The following LHFPL3 variants were observed in gnomAD, a reference collection of about 807,000 sequenced individuals.
LHFPL3 encodes LHFPL tetraspan subfamily member 3 protein.
LHFPL3 carries 5 observed loss-of-function variants against 19.3 expected under a neutral mutation model. The ratio of observed to expected loss-of-function variants is 0.26; its 90% confidence interval spans 0.14 to 0.54. LHFPL3 has a LOEUF of 0.54. LHFPL3 is among the 20% of genes least tolerant of loss of function. LHFPL3 has a pLI of 0.94. For missense variants in LHFPL3, 249 were observed against 307.4 expected (o/e 0.81, Z 1.42); for synonymous variants, 133 against 126.2 (o/e 1.05, Z -0.36).
chr7:104,567,300 C>G (rs1030780934), intron 1 of LHFPL3, among the ~76,000 whole-genome samples: 2 of 152,158 alleles, frequency 1.3e-5, no homozygotes, highest in African/African-American at 2.4e-5. Context: ...ATCATAGAGC[C>G]ATTTTAGGCC....
intron 1 of LHFPL3, among the ~76,000 whole-genome samples, chr7:104,378,667 A>G: frequency 6.6e-6 from 1 of 152,074 alleles, no homozygotes; most frequent in Non-Finnish European, 1.5e-5. Flanking sequence ...CACATTTGGT[A>G]TTGTTTTTCC....
At chr7:104,454,146 G>C (rs1792497093) in intron 1 of LHFPL3, among the ~76,000 whole-genome samples, 1 of 152,234 alleles carries the variant, frequency 6.6e-6, no homozygotes, top group African/African-American at 2.4e-5. Flanking sequence ...CAAAGAGGGA[G>C]ATGGAGATTG....
At chr7:104,351,455 T>A (rs989581305) in intron 1 of LHFPL3, among the ~76,000 whole-genome samples, 5 of 152,214 alleles carry the variant, frequency 3.3e-5, no homozygotes, top group African/African-American at 1.2e-4. Context: ...AGGATCATAT[T>A]GTTTGAAAAG....
At chr7:104,391,454 T>A (rs1413545919) in intron 1 of LHFPL3, among the ~76,000 whole-genome samples, 1 of 152,188 alleles carries the variant, frequency 6.6e-6, no homozygotes, top group African/African-American at 2.4e-5. Context: ...CCTTTCCCCA[T>A]TGCTTGTTTT....
chr7:104,730,901 C>A (rs1346294083), intron 1 of LHFPL3, among the ~76,000 whole-genome samples: 2 of 152,116 alleles, frequency 1.3e-5, no homozygotes, highest in African/African-American at 4.8e-5. Context: ...AGTCTTTAAT[C>A]CATCTTGAAT....
intron 1 of LHFPL3, 25 bp downstream of exon 1, chr7:104,329,249 A>T (rs771575684): frequency 1.3e-6 from 2 of 1,571,754 alleles, no homozygotes; most frequent in Admixed American, 3.6e-5. Context: ...ACCTCCGCGG[A>T]GGCGGAGGAC....
At chr7:104,864,560 G>A (rs1365945185) in intron 2 of LHFPL3, among the ~76,000 whole-genome samples, 1 of 152,240 alleles carries the variant, frequency 6.6e-6, no homozygotes, top group Non-Finnish European at 1.5e-5. Flanking sequence ...GCAGCAGTGA[G>A]GCTGGGGGAG....
At chr7:104,701,589 A>C (rs547703602) in intron 1 of LHFPL3, among the ~76,000 whole-genome samples, 1 of 152,340 alleles carries the variant, frequency 6.6e-6, no homozygotes, top group East Asian at 1.9e-4. Context: ...TGAAGAGGAC[A>C]AGGAAAAGGA....
chr7:104,429,229 A>G (rs1791903108), intron 1 of LHFPL3, among the ~76,000 whole-genome samples: 1 of 152,002 alleles, frequency 6.6e-6, no homozygotes. Context: ...AAAAAATACC[A>G]GAGCGTAGCA....
At chr7:104,748,038 A>G (rs1794083849) in intron 2 of LHFPL3, among the ~76,000 whole-genome samples, 3 of 151,862 alleles carry the variant, frequency 2.0e-5, no homozygotes, top group Admixed American at 2.0e-4. Flanking sequence ...AGATTCTGTT[A>G]ATCTATGACC....
rs367587191 is a variant in LHFPL3 at position 104,798,391 on chromosome 7, T to C, written c.682+61480T>C. 5 of 152,190 alleles carry C rather than the reference T, an allele frequency of 3.3e-5. No homozygotes were observed. In the East Asian group the frequency reaches 5.8e-4, roughly 18 times the overall value. 9.4% of individuals were successfully genotyped at this position (152,190 alleles called of 1,614,324 possible). On this transcript the variant is annotated intron_variant, in intron 2 of 2. Coordinates refer to ENST00000424859, the MANE Select transcript of LHFPL3 (RefSeq NM_199000.3). ...ATGATTATTTAGGATTAGAAATTCA[T>C]CTGTGGAAAAAATAACCTAAAAAGT... is the stretch of plus-strand genomic sequence containing the variant.
At chr7:104,668,005 A>T (rs1378146428) in intron 1 of LHFPL3, 3 of 1,613,502 alleles carry the variant, frequency 1.9e-6, no homozygotes, top group African/African-American at 1.3e-5. Context: ...CCCAATATCG[A>T]CCGGAGCCGT....
At chr7:104,651,650 G>A (rs1792036048) in intron 1 of LHFPL3, among the ~76,000 whole-genome samples, 1 of 152,200 alleles carries the variant, frequency 6.6e-6, no homozygotes, top group Non-Finnish European at 1.5e-5. Flanking sequence ...GAAGTGACTT[G>A]AGCCAGGTAT....
intron 1 of LHFPL3, among the ~76,000 whole-genome samples, chr7:104,600,677 G>A (rs999176853): frequency 6.6e-6 from 1 of 152,194 alleles, no homozygotes; most frequent in East Asian, 1.9e-4. Flanking sequence ...AGTCACTGAG[G>A]TCGTGGCAAA....
chr7:104,796,025 T>C (rs1407071876), intron 2 of LHFPL3, among the ~76,000 whole-genome samples: 1 of 152,190 alleles, frequency 6.6e-6, no homozygotes, highest in Non-Finnish European at 1.5e-5. Context: ...TGCCTTTTGC[T>C]GTAACAAGTG....
At chr7:104,589,896 G>A (rs1362290364) in intron 1 of LHFPL3, among the ~76,000 whole-genome samples, 1 of 152,206 alleles carries the variant, frequency 6.6e-6, no homozygotes, top group Non-Finnish European at 1.5e-5. Context: ...TAGGTTATTT[G>A]TGTAGAGGTG....
intron 1 of LHFPL3, among the ~76,000 whole-genome samples, chr7:104,523,664 A>G (rs755045658): frequency 4.6e-5 from 7 of 152,210 alleles, no homozygotes; most frequent in Non-Finnish European, 8.8e-5. Context: ...ATGCATGCAC[A>G]TGCCTCACTA....
intron 1 of LHFPL3, among the ~76,000 whole-genome samples, chr7:104,718,483 G>A (rs1245421615): frequency 6.6e-6 from 1 of 152,138 alleles, no homozygotes; most frequent in African/African-American, 2.4e-5. Context: ...TTGTAATGCT[G>A]GTAGTCAGAC....
chr7:104,583,434 C>A (rs528139326), intron 1 of LHFPL3, among the ~76,000 whole-genome samples: 1 of 151,922 alleles, frequency 6.6e-6, no homozygotes, highest in Non-Finnish European at 1.5e-5. Context: ...CAAAAGCAAT[C>A]GCAACAAAAG....
Sources: allele counts gnomAD v4.1 joint callset (sites outside exome capture counted in the v4.1 genomes callset), GRCh38; gene constraint gnomAD v4.1.1; transcripts MANE v1.5; gene names NCBI Gene and HGNC (gene_info 2026-07-23, HGNC 2026-07-21).